TLK1: variants seen among roughly 807,000 people sequenced by gnomAD.
TLK1 encodes serine/threonine-protein kinase tousled-like 1.
A neutral mutation model predicts 105.3 loss-of-function variants in TLK1; 24 were observed. That is an observed-to-expected ratio of 0.23 (90% confidence interval 0.17 to 0.32). The LOEUF (loss-of-function observed/expected upper bound fraction) is 0.32. Ranked by LOEUF, TLK1 falls within the 10% of genes least tolerant of loss-of-function variation. The probability of loss-of-function intolerance (pLI) is 1.00; values close to 1 mark genes in which losing one functional copy is unlikely to be tolerated. For missense variants in TLK1, 558 were observed against 910.5 expected, an observed-to-expected ratio of 0.61 and a Z score of 4.98; for synonymous variants, 321 against 310.4, an observed-to-expected ratio of 1.03 and a Z score of -0.36.
intron 3 of TLK1, among the ~76,000 whole-genome samples, chr2:171,063,723 T>C (rs1311325446): frequency 1.3e-5 from 2 of 152,198 alleles, no homozygotes; most frequent in Non-Finnish European, 2.9e-5. Context: ...GAGAAGACTA[T>C]GTTCTAAATG....
chr2:171,149,203 T>C (rs1691930185), intron 1 of TLK1, among the ~76,000 whole-genome samples: 1 of 148,512 alleles, frequency 6.7e-6, no homozygotes, highest in South Asian at 2.1e-4. Context: ...AGACCCTGTC[T>C]CTAAAAAAAA....
At chr2:171,179,750 G>T (rs1692893536) in intron 1 of TLK1, among the ~76,000 whole-genome samples, 2 of 152,020 alleles carry the variant, frequency 1.3e-5, no homozygotes, top group African/African-American at 4.8e-5. Flanking sequence ...TTGAGGTCAG[G>T]GGTTCAAGAC....
intron 3 of TLK1, among the ~76,000 whole-genome samples, chr2:171,061,727 T>A (rs1687761299): frequency 6.6e-6 from 1 of 152,234 alleles, no homozygotes; most frequent in Non-Finnish European, 1.5e-5. Flanking sequence ...CCTATGGGCC[T>A]AATCAGTTTG....
chr2:171,222,846 G>A (rs961315206), intron 1 of TLK1, among the ~76,000 whole-genome samples: 2 of 151,564 alleles, frequency 1.3e-5, no homozygotes, highest in Non-Finnish European at 1.5e-5. Context: ...ATGGAGTCTC[G>A]CTCTGTCGCC....
At chr2:171,055,020 G>T in intron 7 of TLK1, 63 bp downstream of exon 7, 3 of 906,562 alleles carry the variant, frequency 3.3e-6, no homozygotes, top group Non-Finnish European at 4.8e-6. Flanking sequence ...CATCTTAGTT[G>T]TTAGTAAGTT....
chr2:171,108,954 A>G (rs1690048821), intron 2 of TLK1, among the ~76,000 whole-genome samples: 1 of 152,234 alleles, frequency 6.6e-6, no homozygotes, highest in African/African-American at 2.4e-5. Context: ...CCTAAAACAA[A>G]CATAAACCAA....
At chr2:171,016,099 C>G (rs548865321) in intron 12 of TLK1, among the ~76,000 whole-genome samples, 19 of 152,218 alleles carry the variant, frequency 1.2e-4, no homozygotes, top group Non-Finnish European at 1.8e-4. Context: ...CCCACCGCCA[C>G]CCGCCGTCAA....
intron 1 of TLK1, among the ~76,000 whole-genome samples, chr2:171,192,077 A>G (rs1693165570): frequency 6.6e-6 from 1 of 152,138 alleles, no homozygotes; most frequent in Non-Finnish European, 1.5e-5. Context: ...TGCCTAGGCT[A>G]GAGTACAGTA....
At position 171,160,556 on chromosome 2, in the gene TLK1, A is replaced by G. The variant is rs1575640516; in HGVS notation, c.-128T>C. ...GAGAGAGCGAGGGCTGGGAGGGGAGAGTCAAGGGGATGGGGGAGGAAACCG... is the reference window on the plus strand; with the variant it reads ...GAGAGAGCGAGGGCTGGGAGGGGAGGGTCAAGGGGATGGGGGAGGAAACCG... On this transcript the variant is annotated 5_prime_UTR_variant, in exon 1 of 21. Transcript: ENST00000431350. This position sits in a 1 kb window ranked among gnomAD's most constrained non-coding sequence, Gnocchi z 4.4. 1 of 1,257,926 alleles carries G rather than the reference A, an allele frequency of 7.9e-7. No individual in the cohort carries two copies. The highest frequency in any genetic ancestry group is 1.0e-6 in the Non-Finnish European group (1 of 953,638). 77.9% of individuals were successfully genotyped at this position (1,257,926 alleles called of 1,614,324 possible).
chr2:171,188,343 G>A (rs1186333402), intron 1 of TLK1, among the ~76,000 whole-genome samples: 2 of 152,212 alleles, frequency 1.3e-5, no homozygotes, highest in Non-Finnish European at 2.9e-5. Context: ...GCCAAGGCGG[G>A]TGGATGACCT....
At chr2:171,119,653 G>A (rs776915529) in intron 1 of TLK1, among the ~76,000 whole-genome samples, 5 of 152,174 alleles carry the variant, frequency 3.3e-5, no homozygotes, top group African/African-American at 4.8e-5. Context: ...GGATAAAACA[G>A]GGAGACCAGA....
intron 2 of TLK1, among the ~76,000 whole-genome samples, chr2:171,090,685 T>C (rs941505771): frequency 2.0e-5 from 3 of 152,208 alleles, no homozygotes; most frequent in African/African-American, 7.2e-5. Context: ...CTGGTAATAT[T>C]TCCCCATAGA....
intron 11 of TLK1, among the ~76,000 whole-genome samples, chr2:171,030,301 A>G (rs1414447294): frequency 8.4e-6 from 1 of 119,614 alleles, no homozygotes; most frequent in Admixed American, 9.6e-5. Context: ...TCCACCCGCA[A>G]CATCTTAAGA....
chr2:171,127,845 A>G (rs1690933927), intron 1 of TLK1, among the ~76,000 whole-genome samples: 2 of 152,056 alleles, frequency 1.3e-5, no homozygotes, highest in Non-Finnish European at 2.9e-5. Flanking sequence ...TCTGTTTCTG[A>G]GTCATATTAT....
At chr2:171,111,048 C>A (rs1183451569) in intron 2 of TLK1, among the ~76,000 whole-genome samples, 1 of 151,670 alleles carries the variant, frequency 6.6e-6, no homozygotes, top group African/African-American at 2.4e-5. Context: ...AGGCAGAAAT[C>A]ACTGCGGAAA....
chr2:171,045,186 A>G (rs1461471440), intron 11 of TLK1: 1 of 151,888 alleles, frequency 6.6e-6, no homozygotes, highest in African/African-American at 2.4e-5. Flanking sequence ...AGGAGAAAAG[A>G]ATACATGACA....
intron 1 of TLK1, among the ~76,000 whole-genome samples, chr2:171,222,384 G>C (rs946215617): frequency 1.3e-5 from 2 of 152,032 alleles, no homozygotes; most frequent in Admixed American, 6.6e-5. Flanking sequence ...GCCGAGGCTG[G>C]AGTGGGACGA....
rs1683848015 is a variant in TLK1 at position 170,992,963 on chromosome 2, T to C, written c.*817A>G. Reference sequence around the variant, plus strand: ...AACTGGTCTGCATTTGGTTACTCACTGTCACCTGTTTTGATGAACAAGGCC... The same window carrying C: ...AACTGGTCTGCATTTGGTTACTCACCGTCACCTGTTTTGATGAACAAGGCC... On this transcript the variant is annotated 3_prime_UTR_variant, in exon 21 of 21. Coordinates refer to ENST00000431350, the MANE Select transcript of TLK1 (RefSeq NM_012290.5). The C allele has an allele frequency of 6.6e-6, 1 of 152,640 alleles. No homozygotes were observed. Among genetic ancestry groups the C allele is most frequent in the East Asian group, 1.9e-4 (1 of 5,204 alleles). 9.5% of individuals were successfully genotyped at this position (152,640 alleles called of 1,614,324 possible). A position where few individuals can be genotyped will look rare whatever the true frequency, so the allele number is the denominator to read the frequency against.
intron 3 of TLK1, among the ~76,000 whole-genome samples, chr2:171,073,997 TCTC>T (rs1180401753): frequency 6.6e-6 from 1 of 151,484 alleles, no homozygotes; most frequent in Non-Finnish European, 1.5e-5. Flanking sequence ...TTCAAGCGAT[TCTC>T]CTGTCTCAGC....
Sources: gnomAD v4.1 joint callset for allele counts (sites outside exome capture counted in the v4.1 genomes callset) on GRCh38, gnomAD v4.1.1 for gene constraint, Gnocchi (gnomAD v3.1) non-coding constraint, MANE v1.5 for transcripts, NCBI Gene and HGNC (gene_info 2026-07-23, HGNC 2026-07-21) for gene names.